Variants in GABRB1 observed in about 807,000 individuals in gnomAD.
The protein encoded by GABRB1 is gamma-aminobutyric acid receptor subunit beta-1.
A neutral mutation model predicts 51.6 loss-of-function variants in GABRB1; 17 were observed. That is an observed-to-expected ratio of 0.33 (90% CI 0.23 to 0.49). The LOEUF (loss-of-function observed/expected upper bound fraction) is 0.49. GABRB1 is among the 20% of genes least tolerant of loss of function. The pLI is 0.99. For missense variants in GABRB1, 410 were observed against 600.6 expected, an observed-to-expected ratio of 0.68 and a Z score of 3.32; for synonymous variants, 247 against 218.9, an observed-to-expected ratio of 1.13 and a Z score of -1.14.
intron 3 of GABRB1, among the ~76,000 whole-genome samples, chr4:47,128,311 C>G (rs991494695): frequency 2.4e-4 from 36 of 151,924 alleles, no homozygotes; most frequent in African/African-American, 8.7e-4. Context: ...CATCAACTAT[C>G]TGCGAGTCCA....
chr4:47,180,539 G>T (rs557891590), intron 4 of GABRB1, among the ~76,000 whole-genome samples: 1 of 152,130 alleles, frequency 6.6e-6, no homozygotes, highest in East Asian at 1.9e-4. Context: ...CAAAGACTTA[G>T]TTATTTGGAT....
intron 4 of GABRB1, among the ~76,000 whole-genome samples, chr4:47,300,260 A>C (rs1177505896): frequency 6.6e-6 from 1 of 152,126 alleles, no homozygotes; most frequent in Non-Finnish European, 1.5e-5. Flanking sequence ...ATTAAAATTA[A>C]AATTAAAAAA....
At chr4:47,279,583 G>T (rs1476930225) in intron 4 of GABRB1, among the ~76,000 whole-genome samples, 1 of 152,018 alleles carries the variant, frequency 6.6e-6, no homozygotes, top group Admixed American at 6.6e-5. Flanking sequence ...ATATATTTAG[G>T]TGCTGTAATG....
intron 4 of GABRB1, among the ~76,000 whole-genome samples, chr4:47,242,733 G>T (rs930148068): frequency 2.6e-5 from 4 of 152,084 alleles, no homozygotes; most frequent in African/African-American, 9.7e-5. Context: ...TGATGGGGTT[G>T]TTTGATTTTT....
rs542487475 is a variant in GABRB1, at chr4:47,365,746, T to C, written c.545-37572T>C. 2.6e-5 allele frequency among the ~76,000 whole-genome samples: 4 copies of C among 152,226 alleles called. No individual in the cohort carries two copies. In the East Asian group the frequency reaches 7.7e-4, roughly 29 times the overall value. On this transcript the variant is annotated intron_variant, in intron 5 of 8. Transcript: ENST00000295454. ...ATTTCGCTCATCGCCATGGATTGAC[T>C]CCATCCCTCTGCCAAGACCACGGCT...
At chr4:47,106,850 G>A (rs1714992911) in intron 3 of GABRB1, among the ~76,000 whole-genome samples, 1 of 152,012 alleles carries the variant, frequency 6.6e-6, no homozygotes, top group South Asian at 2.1e-4. Context: ...TCCCAAATAT[G>A]GGATCACTTT....
chr4:47,060,329 T>C (rs984415718), intron 3 of GABRB1, among the ~76,000 whole-genome samples: 2 of 152,148 alleles, frequency 1.3e-5, no homozygotes, highest in East Asian at 1.9e-4. Flanking sequence ...CATCATATCC[T>C]GAATGACATA....
chr4:47,320,920 C>T (rs576047113), intron 5 of GABRB1, among the ~76,000 whole-genome samples: 36 of 152,250 alleles, frequency 2.4e-4, no homozygotes, highest in African/African-American at 8.2e-4. Flanking sequence ...TAGGCGCCCG[C>T]CACCACGCCC....
intron 3 of GABRB1, among the ~76,000 whole-genome samples, chr4:47,107,044 A>G (rs1715000168): frequency 6.6e-6 from 1 of 151,938 alleles, no homozygotes; most frequent in African/African-American, 2.4e-5. Context: ...AGGAAAATAA[A>G]CTCTGTCACA....
intron 1 of GABRB1, among the ~76,000 whole-genome samples, chr4:47,005,889 T>G (rs1016696108): frequency 6.7e-6 from 1 of 149,366 alleles, no homozygotes; most frequent in Non-Finnish European, 1.5e-5. Context: ...ATCTTTGTCT[T>G]ATGAATACAA....
intron 3 of GABRB1, among the ~76,000 whole-genome samples, chr4:47,112,617 T>G (rs577064792): frequency 6.6e-6 from 1 of 152,330 alleles, no homozygotes; most frequent in African/African-American, 2.4e-5. Context: ...ATATAGAAAG[T>G]GCATAGAGCC....
chr4:47,268,869 AT>A (rs1305168864), intron 4 of GABRB1, among the ~76,000 whole-genome samples: 5 of 152,150 alleles, frequency 3.3e-5, no homozygotes, highest in Non-Finnish European at 7.4e-5. Flanking sequence ...ACATGTTATC[AT>A]TTATTATTAT....
intron 4 of GABRB1, among the ~76,000 whole-genome samples, chr4:47,190,626 A>T (rs1046075124): frequency 1.3e-5 from 2 of 152,098 alleles, no homozygotes; most frequent in African/African-American, 4.8e-5. Context: ...TATAGATTAA[A>T]ATTCTAAGAG....
At chr4:47,198,484 G>A (rs1396934741) in intron 4 of GABRB1, among the ~76,000 whole-genome samples, 1 of 152,162 alleles carries the variant, frequency 6.6e-6, no homozygotes, top group African/African-American at 2.4e-5. Flanking sequence ...AAGGATGCTA[G>A]GGGCATGGTA....
intron 4 of GABRB1, among the ~76,000 whole-genome samples, chr4:47,317,361 C>A (rs911226350): frequency 3.3e-5 from 5 of 151,764 alleles, no homozygotes; most frequent in African/African-American, 1.2e-4. Flanking sequence ...AGCTGTTAAA[C>A]AAAGAATATG....
intron 5 of GABRB1, among the ~76,000 whole-genome samples, chr4:47,321,180 T>C (rs1178296713): frequency 6.6e-6 from 1 of 152,232 alleles, no homozygotes; most frequent in Non-Finnish European, 1.5e-5. Flanking sequence ...ATAGTACCAC[T>C]TAATGTAATG....
At chr4:47,014,980 C>T (rs1724702147) in intron 1 of GABRB1, among the ~76,000 whole-genome samples, 1 of 152,188 alleles carries the variant, frequency 6.6e-6, no homozygotes, top group Non-Finnish European at 1.5e-5. Flanking sequence ...GATTTTGGCT[C>T]ACTGCAACCT....
intron 4 of GABRB1, among the ~76,000 whole-genome samples, chr4:47,236,424 GCTT>G (rs1721336703): frequency 6.6e-6 from 1 of 151,976 alleles, no homozygotes; most frequent in Admixed American, 6.6e-5. Flanking sequence ...GAGCCAACAT[GCTT>G]CTTATGTATC....
intron 5 of GABRB1, among the ~76,000 whole-genome samples, chr4:47,357,598 G>C (rs1248649155): frequency 6.6e-6 from 1 of 152,200 alleles, no homozygotes; most frequent in Non-Finnish European, 1.5e-5. Flanking sequence ...AAGAGGAAGG[G>C]AGTACAGAGA....
Sources: allele counts gnomAD v4.1 joint callset (sites outside exome capture counted in the v4.1 genomes callset), GRCh38; gene constraint gnomAD v4.1.1; transcripts MANE v1.5; gene names NCBI Gene and HGNC (gene_info 2026-07-23, HGNC 2026-07-21).